The following DOCK8 variants were observed in gnomAD, a reference collection of about 807,000 sequenced individuals.
The protein encoded by DOCK8 is dedicator of cytokinesis 8.
A neutral mutation model predicts 245.6 loss-of-function variants in DOCK8; 141 were observed. The ratio of observed to expected loss-of-function variants is 0.57; its 90% CI spans 0.50 to 0.66. The LOEUF (loss-of-function observed/expected upper bound fraction) is 0.66, where lower values mean the gene tolerates loss of function less well. Among genes scored for constraint, DOCK8 ranks in the 30% least tolerant of loss-of-function variants. DOCK8 has a pLI of 0.00. For missense variants in DOCK8, 2,965 were observed against 2,603.4 expected (o/e 1.14, Z -3.02); for synonymous variants, 1,168 against 970.2 (o/e 1.20, Z -3.79).
At chr9:291,443 G>C (rs1418049798) in intron 4 of DOCK8, among the ~76,000 whole-genome samples, 2 of 152,030 alleles carry the variant, frequency 1.3e-5, no homozygotes, top group African/African-American at 4.8e-5. Context: ...GTATATATTT[G>C]CGTGAAAACT....
At chr9:265,089 G>A (rs1329703597) in intron 1 of DOCK8, among the ~76,000 whole-genome samples, 16 of 152,112 alleles carry the variant, frequency 1.1e-4, no homozygotes, top group Non-Finnish European at 2.4e-4. Context: ...CTGCCACCAA[G>A]CCAGGCTAAT....
Position 399,219 on chromosome 9 carries a change from G to C in DOCK8, c.3194G>C (p.Arg1065Pro), listed in dbSNP as rs369239221. ...FLYDLLSLMD[R>P]GFVFNLIRHY... ...TATGACCTTCTCTCCCTCATGGATC[G>C]GGGCTTTGTGTTTAACCTCATCAGA... is the stretch of plus-strand genomic sequence containing the variant. Residue 1065 changes from arginine (R) to proline (P), a missense_variant, in exon 26 of 48, where the codon CGG becomes CCG. Coordinates refer to ENST00000432829, the MANE Select transcript of DOCK8 (RefSeq NM_203447.4). 3.1e-6 allele frequency: 5 copies of C among 1,613,804 alleles called. No homozygotes were observed. The highest frequency in any genetic ancestry group is 1.7e-5 in the Admixed American group (1 of 59,984).
intron 14 of DOCK8, among the ~76,000 whole-genome samples, chr9:352,942 C>T (rs2052247410): frequency 6.6e-6 from 1 of 152,088 alleles, no homozygotes; most frequent in South Asian, 2.1e-4. Context: ...AGGATATCTT[C>T]CCTTTGAAAA....
intron 43 of DOCK8, among the ~76,000 whole-genome samples, chr9:444,719 A>G (rs552478489): frequency 1.3e-5 from 2 of 152,204 alleles, no homozygotes; most frequent in Non-Finnish European, 2.9e-5. Context: ...GAGTCACCTC[A>G]TTAGCATCAC....
In DOCK8 at chr9:464,119, G is replaced by T. The variant is rs541623507; in HGVS notation, c.6240-40G>T. The T allele has an allele frequency of 2.0e-6, 3 of 1,536,690 alleles. No individual in the cohort carries two copies. The South Asian group carries it at 3.4e-5, about 17-fold the overall frequency. ...AACTGATCTTTTCTTGCTTCTGTACGCTCTCTTTCCCTCTCCTCCCTCTCT... is the reference window on the plus strand; with the variant it reads ...AACTGATCTTTTCTTGCTTCTGTACTCTCTCTTTCCCTCTCCTCCCTCTCT... On this transcript the variant is annotated intron_variant, in intron 47 of 47. Transcript: ENST00000432829.
chr9:448,455 TCTCAGC>T (rs2057332242), intron 44 of DOCK8, among the ~76,000 whole-genome samples: 1 of 152,186 alleles, frequency 6.6e-6, no homozygotes, highest in African/African-American at 2.4e-5. Flanking sequence ...CAACAACAGT[TCTCAGC>T]TGTTTGCTAG....
rs1215817888 is a variant in DOCK8, at chr9:332,300, A to AT, written c.1045-97dup. 3.6e-6 allele frequency: 3 copies of AT among 836,234 alleles called. No homozygotes were observed. In the African/African-American group the frequency reaches 5.1e-5, roughly 14 times the overall value. 51.8% of individuals were successfully genotyped at this position (836,234 alleles called of 1,614,324 possible). ...TGTATCACAGATAGCTTCCTATGTCATCAAATATTGTCATAAAATGTAATT... is the reference window on the plus strand; with the variant it reads ...TGTATCACAGATAGCTTCCTATGTCATTCAAATATTGTCATAAAATGTAATT... On this transcript the variant is annotated intron_variant, in intron 9 of 47. Transcript: ENST00000432829.
intron 23 of DOCK8, among the ~76,000 whole-genome samples, chr9:386,917 C>T (rs1224582195): frequency 6.6e-6 from 1 of 152,210 alleles, no homozygotes; most frequent in Admixed American, 6.5e-5. Flanking sequence ...AATGCTTCCT[C>T]ATAATTCTTC....
chr9:396,396 T>A (rs1564005889), intron 24 of DOCK8, among the ~76,000 whole-genome samples: 1 of 152,232 alleles, frequency 6.6e-6, no homozygotes, highest in Non-Finnish European at 1.5e-5. Flanking sequence ...AACCTTGTGA[T>A]AAACTGTTCC....
At chr9:287,196 A>C (rs1241590721) in intron 3 of DOCK8, among the ~76,000 whole-genome samples, 1 of 152,184 alleles carries the variant, frequency 6.6e-6, no homozygotes, top group East Asian at 1.9e-4. Context: ...GCAGTGCTAA[A>C]ACAGTGGGGA....
At chr9:230,677 T>C (rs868301399) in intron 1 of DOCK8, among the ~76,000 whole-genome samples, 5,236 of 144,104 alleles carry the variant, frequency 0.036, 109 homozygotes, top group Middle Eastern at 0.056. Flanking sequence ...TTTCATGTGT[T>C]TTTTGGCTGC....
At chr9:273,573 G>A (rs2048226399) in intron 2 of DOCK8, among the ~76,000 whole-genome samples, 1 of 152,174 alleles carries the variant, frequency 6.6e-6, no homozygotes, top group Admixed American at 6.5e-5. Context: ...GTAAATGAAG[G>A]CTGCAGCTTT....
intron 14 of DOCK8, among the ~76,000 whole-genome samples, chr9:349,320 G>A (rs922771204): frequency 2.0e-5 from 3 of 152,122 alleles, no homozygotes; most frequent in African/African-American, 4.8e-5. Context: ...TTCAAAAAAT[G>A]TGCCAGTCCT....
intron 1 of DOCK8, among the ~76,000 whole-genome samples, chr9:240,120 G>A (rs769970605): frequency 7.2e-5 from 11 of 152,126 alleles, no homozygotes; most frequent in Non-Finnish European, 1.6e-4. Flanking sequence ...GTTTTGTGTG[G>A]CATCTGCCTT....
At chr9:333,424 A>G (rs1251265878) in intron 10 of DOCK8, among the ~76,000 whole-genome samples, 3 of 151,930 alleles carry the variant, frequency 2.0e-5, no homozygotes, top group Admixed American at 6.6e-5. Context: ...ACACGGTGAA[A>G]CCCCGTCTCT....
chr9:415,692 G>GCACACACGCACACACGCACACA (rs1554699022), intron 29 of DOCK8, among the ~76,000 whole-genome samples: 19,003 of 150,920 alleles, frequency 0.13, 1,648 homozygotes, highest in East Asian at 0.47. Context: ...GTGCGCGCGT[G>GCACACACGCACACACGCACACA]CACACACACA....
intron 43 of DOCK8, among the ~76,000 whole-genome samples, chr9:443,807 T>C (rs949871864): frequency 2.0e-5 from 3 of 152,178 alleles, no homozygotes; most frequent in Admixed American, 2.0e-4. Flanking sequence ...TGGAAGTAGA[T>C]TTTGTCATTC....
intron 18 of DOCK8, among the ~76,000 whole-genome samples, chr9:374,384 T>A (rs2131239891): frequency 6.6e-6 from 1 of 152,128 alleles, no homozygotes; most frequent in African/African-American, 2.4e-5. Flanking sequence ...TTTACATTGA[T>A]TACATATTGA....
At chr9:217,478 T>C (rs1053247523) in intron 1 of DOCK8, among the ~76,000 whole-genome samples, 1 of 152,164 alleles carries the variant, frequency 6.6e-6, no homozygotes. Flanking sequence ...TGAAATCTGA[T>C]CAAGAAGAGC....
Sources: gnomAD v4.1 joint callset for allele counts (sites outside exome capture counted in the v4.1 genomes callset) on GRCh38, gnomAD v4.1.1 for gene constraint, MANE v1.5 for transcripts, NCBI Gene and HGNC (gene_info 2026-07-23, HGNC 2026-07-21) for gene names.